ADGRL1: variants seen among roughly 807,000 people sequenced by gnomAD.
ADGRL1 encodes the protein adhesion G protein-coupled receptor L1.
In ADGRL1, 31 loss-of-function variants were observed where a neutral mutation model predicts 148.9. The ratio of observed to expected loss-of-function variants is 0.21; its 90% CI spans 0.16 to 0.28. The LOEUF (loss-of-function observed/expected upper bound fraction) is 0.28, where lower values mean the gene tolerates loss of function less well. ADGRL1 is among the 10% of genes least tolerant of loss of function. The pLI, the probability that ADGRL1 is intolerant of heterozygous loss-of-function variation, is 1.00. For missense variants in ADGRL1, 1,521 were observed against 2,058.8 expected (o/e 0.74, Z 5.05); for synonymous variants, 937 against 900.3 (o/e 1.04, Z -0.73).
In ADGRL1 at chr19:14,173,943, CAAAAAAAAAAA is replaced by C. The variant is rs774211423; in HGVS notation, c.285-3163_285-3153del. On this transcript the variant is annotated intron_variant, in intron 3 of 22. Transcript: ENST00000361434. ...CCTGGGGGAGAGCAAGACTCCGTCT[CAAAAAAAAAAA>C]AAAAAAAAAAAAAAGAGTCTCCAGG... is the stretch of plus-strand genomic sequence containing the variant. 3.0e-4 allele frequency among the ~76,000 whole-genome samples: 10 copies of C among 32,970 alleles called. 1 individual carries two copies. The highest frequency in any genetic ancestry group is 6.3e-4 in the Admixed American group (2 of 3,170). 21.6% of individuals were successfully genotyped at this position (32,970 alleles called of 152,430 possible). A position where few individuals can be genotyped will look rare whatever the true frequency, so the allele number is the denominator to read the frequency against.
chr19:14,193,799 T>C (rs1972096684), intron 1 of ADGRL1, among the ~76,000 whole-genome samples: 1 of 152,220 alleles, frequency 6.6e-6, no homozygotes, highest in Admixed American at 6.5e-5. Flanking sequence ...ATCAGAGTGA[T>C]GCTTCTAGAA....
chr19:14,186,435 C>T (rs1971578167), intron 1 of ADGRL1, among the ~76,000 whole-genome samples: 1 of 152,152 alleles, frequency 6.6e-6, no homozygotes, highest in Non-Finnish European at 1.5e-5. Flanking sequence ...TCTCAGATCC[C>T]AAAGCTGAGA....
chr19:14,180,524 G>A (rs185312076), intron 2 of ADGRL1, among the ~76,000 whole-genome samples: 7 of 152,066 alleles, frequency 4.6e-5, no homozygotes, highest in African/African-American at 1.7e-4. Flanking sequence ...CCAAAGTGCT[G>A]GGATTACAGG....
At position 14,157,829 on chromosome 19, in the gene ADGRL1, A is replaced by C; in HGVS notation, c.2535+53T>G. 13 of 1,595,106 alleles carry C rather than the reference A, an allele frequency of 8.1e-6. No individual in the cohort carries two copies. Among genetic ancestry groups the C allele is most frequent in the Non-Finnish European group, 1.1e-5 (13 of 1,169,804 alleles). ...GTGATCTCTCTAGGATGCCATGCAAAGCCAGGCCAGCAATCGGGCCTGCCT... is the reference window on the plus strand; with the variant it reads ...GTGATCTCTCTAGGATGCCATGCAACGCCAGGCCAGCAATCGGGCCTGCCT... On this transcript the variant is annotated intron_variant, in intron 13 of 22. Coordinates refer to ENST00000361434, the MANE Select transcript of ADGRL1 (RefSeq NM_014921.5). This position sits in a 1 kb window ranked among gnomAD's most constrained non-coding sequence, Gnocchi z 7.5.
intron 2 of ADGRL1, among the ~76,000 whole-genome samples, chr19:14,182,582 G>A (rs1310430537): frequency 1.3e-5 from 2 of 152,166 alleles, no homozygotes; most frequent in South Asian, 2.1e-4. Flanking sequence ...CCAGCGGGGG[G>A]AACATTTCAC....
chr19:14,168,442 G>T (rs1052457416), intron 4 of ADGRL1, among the ~76,000 whole-genome samples: 2 of 152,140 alleles, frequency 1.3e-5, no homozygotes, highest in Non-Finnish European at 2.9e-5. Context: ...GCGCGTGTGT[G>T]TGTGTGCGTG....
chr19:14,159,444 A>G lies in ADGRL1; in HGVS notation c.1980T>C (p.Asn660=), dbSNP rs375139721. ...CCAGGAAGCGGGCAGGCTCCCTGAC[A>G]TTGTCGGCCAGCAGGAAGGCGCCCT... is the stretch of plus-strand genomic sequence containing the variant. ...LEEGAFLLAD[N]VREPARFLAA... Residue 660 remains asparagine (N), a synonymous_variant, in exon 10 of 23, where the codon AAT becomes AAC. Coordinates refer to ENST00000361434, the MANE Select transcript of ADGRL1 (RefSeq NM_014921.5). The surrounding 1 kb of genome is among the most constrained non-coding windows in gnomAD (Gnocchi z 6.0). 6 of 1,612,882 alleles carry G rather than the reference A, an allele frequency of 3.7e-6. No individual in the cohort carries two copies. The highest frequency in any genetic ancestry group is 5.1e-6 in the Non-Finnish European group (6 of 1,179,558).
At chr19:14,171,058 G>C (rs946286388) in intron 3 of ADGRL1, 1 of 373,890 alleles carries the variant, frequency 2.7e-6, no homozygotes, top group East Asian at 5.9e-5. Flanking sequence ...CATCCCCTCC[G>C]TGCTGTTGAG....
intron 2 of ADGRL1, among the ~76,000 whole-genome samples, chr19:14,179,747 A>T (rs1971063655): frequency 6.6e-6 from 1 of 151,504 alleles, no homozygotes; most frequent in African/African-American, 2.4e-5. Flanking sequence ...ATCTCTACTT[A>T]AAAAACTACA....
At position 14,158,465 on chromosome 19, in the gene ADGRL1, G is replaced by C; in HGVS notation, c.2237C>G (p.Ala746Gly). 6.2e-7 allele frequency: 1 copy of C among 1,613,966 alleles called. No homozygotes were observed. Among genetic ancestry groups the C allele is most frequent in the South Asian group, 1.1e-5 (1 of 91,084 alleles). ...ENATVKLAGEAGPGGPGGASL... is the reference protein window; with the variant it reads ...ENATVKLAGEGGPGGPGGASL... The stretch of plus-strand genomic sequence containing the variant: ...GGCGCCCCCAGGGCCACCCGGGCCT[G>C]CTTCGCCGGCCAGCTTCACTGTGGC... The change falls in exon 12 of 23, where the codon GCA becomes GGA. Residue 746 changes from alanine to glycine, a missense_variant. Transcript: ENST00000361434.
chr19:14,186,480 C>A (rs926504118), intron 1 of ADGRL1, among the ~76,000 whole-genome samples: 10 of 152,130 alleles, frequency 6.6e-5, no homozygotes, highest in Admixed American at 5.9e-4. Flanking sequence ...CTGTCATCCC[C>A]CTCACGGAAG....
At chr19:14,158,584 G>T in intron 11 of ADGRL1, 32 bp from the exon 12 acceptor site, 1 of 1,552,232 alleles carries the variant, frequency 6.4e-7, no homozygotes, top group Non-Finnish European at 8.9e-7. Flanking sequence ...GGATGTGTCA[G>T]CATCCTCAGC....
At chr19:14,188,941 G>A (rs1370329233) in intron 1 of ADGRL1, among the ~76,000 whole-genome samples, 4 of 151,590 alleles carry the variant, frequency 2.6e-5, no homozygotes, top group East Asian at 2.0e-4. Context: ...GAGCAGACAC[G>A]GGGTTTCACC....
At chr19:14,200,758 T>G (rs1599527186) in intron 1 of ADGRL1, among the ~76,000 whole-genome samples, 2 of 152,248 alleles carry the variant, frequency 1.3e-5, no homozygotes, top group East Asian at 3.9e-4. Flanking sequence ...ACGACAGGCG[T>G]GCGGCACCAT....
intron 1 of ADGRL1, among the ~76,000 whole-genome samples, chr19:14,185,197 A>T (rs115019656): frequency 0.016 from 2,459 of 151,998 alleles, 73 homozygotes; most frequent in African/African-American, 0.056. Flanking sequence ...GTCTGTCCTC[A>T]GCTCTTTGCT....
At chr19:14,182,334 G>A (rs1388421966) in intron 2 of ADGRL1, among the ~76,000 whole-genome samples, 3 of 152,226 alleles carry the variant, frequency 2.0e-5, no homozygotes, top group Non-Finnish European at 2.9e-5. Flanking sequence ...CTTCTGTGAC[G>A]CTGGTTCCAG....
At chr19:14,187,402 C>A (rs1397230223) in intron 1 of ADGRL1, among the ~76,000 whole-genome samples, 1 of 152,128 alleles carries the variant, frequency 6.6e-6, no homozygotes, top group Non-Finnish European at 1.5e-5. Context: ...CAGGGCAGGA[C>A]ACCTGGTCCA....
intron 1 of ADGRL1, among the ~76,000 whole-genome samples, chr19:14,183,958 C>T (rs371836405): frequency 2.6e-5 from 4 of 152,190 alleles, no homozygotes; most frequent in East Asian, 1.9e-4. Flanking sequence ...GGACAGCTCA[C>T]GGGGAGATCC....
intron 2 of ADGRL1, among the ~76,000 whole-genome samples, chr19:14,179,633 T>A (rs1269085801): frequency 4.0e-5 from 6 of 150,168 alleles, no homozygotes; most frequent in African/African-American, 1.5e-4. Flanking sequence ...TAGGCCGGGC[T>A]CGGTGGCTCA....
Sources: gnomAD v4.1 joint callset for allele counts (sites outside exome capture counted in the v4.1 genomes callset) on GRCh38, gnomAD v4.1.1 for gene constraint, Gnocchi (gnomAD v3.1) non-coding constraint, MANE v1.5 for transcripts, NCBI Gene and HGNC (gene_info 2026-07-23, HGNC 2026-07-21) for gene names.